The following POLD1 variants were observed in gnomAD, a reference collection of about 807,000 sequenced individuals.
POLD1 encodes DNA polymerase delta 1, catalytic subunit, also known as DNA polymerase delta catalytic subunit.
In POLD1, 79 loss-of-function variants were observed where a neutral mutation model predicts 129.7. The observed-to-expected ratio is 0.61, with a 90% CI of 0.51 to 0.73. The LOEUF is 0.73. Ranked by LOEUF, POLD1 falls within the 30% of genes least tolerant of loss-of-function variation. The pLI, the probability that POLD1 is intolerant of heterozygous loss-of-function variation, is 0.00. For missense variants in POLD1, 1,338 were observed against 1,595.8 expected (o/e 0.84, Z 2.75); for synonymous variants, 714 against 683.3 (o/e 1.04, Z -0.70).
chr19:50,401,868 C>G lies in POLD1; in HGVS notation c.407C>G (p.Ser136Cys). Residue 136 changes from serine to cysteine, a missense_variant, in exon 4 of 27, where the codon TCT becomes TGT. Transcript: ENST00000440232. ...TTCGGGGTCACCGATGAGGGGTTCT[C>G]TGTCTGCTGCCACATCCACGGCTTC... ...RAFGVTDEGF[S>C]VCCHIHGFAP... 1 of 1,614,058 alleles carries G rather than the reference C, an allele frequency of 6.2e-7. No individual in the cohort carries two copies. Among genetic ancestry groups the G allele is most frequent in the South Asian group, 1.1e-5 (1 of 91,086 alleles).
Position 50,407,313 on chromosome 19 carries a change from T to C in POLD1, c.1687-14T>C, listed in dbSNP as rs771659800. Reference sequence around the variant, plus strand: ...ACCTATACCCACTCCATTTCCCACCTTCTCCCCTCCCAGGCCATGCACGAG... The same window carrying C: ...ACCTATACCCACTCCATTTCCCACCCTCTCCCCTCCCAGGCCATGCACGAG... On this transcript the variant is annotated splice_polypyrimidine_tract_variant and intron_variant, in intron 13 of 26. Coordinates refer to ENST00000440232, the MANE Select transcript of POLD1 (RefSeq NM_002691.4). The C allele has an allele frequency of 6.2e-7, 1 of 1,606,416 alleles. No homozygotes were observed. Among genetic ancestry groups the C allele is most frequent in the South Asian group, 1.1e-5 (1 of 90,532 alleles).
intron 17 of POLD1, chr19:50,410,873 G>A (rs2039065000): frequency 6.6e-6 from 1 of 151,974 alleles, no homozygotes; most frequent in South Asian, 2.1e-4. Flanking sequence ...AGGTCAAACT[G>A]ATACTGCATG....
chr19:50,392,744 TG>T (rs1240702492), intron 1 of POLD1, among the ~76,000 whole-genome samples: 1 of 152,262 alleles, frequency 6.6e-6, no homozygotes, highest in African/African-American at 2.4e-5. Flanking sequence ...CCCAAAATGC[TG>T]GGATTACAGG....
chr19:50,384,556 C>G (rs1236268415), intron 1 of POLD1, among the ~76,000 whole-genome samples, 166 bp downstream of exon 1: 1 of 137,192 alleles, frequency 7.3e-6, no homozygotes, highest in African/African-American at 2.8e-5. Flanking sequence ...GGCGCGGGGA[C>G]GAGCAGGAAA....
intron 1 of POLD1, among the ~76,000 whole-genome samples, chr19:50,397,066 G>A (rs571600382): frequency 7.2e-6 from 1 of 138,700 alleles, no homozygotes; most frequent in African/African-American, 2.7e-5. Flanking sequence ...ACTCCAGCCT[G>A]GGTGACAGAG....
Position 50,403,228 on chromosome 19 carries a change from C to A in POLD1, c.1137+9C>A. ...AGGAGGACCTGCTGCAGGTAGCTCT[C>A]GCTCCACGCCCCACACCATTTCCCG... On this transcript the variant is annotated intron_variant, in intron 9 of 26. Transcript: ENST00000440232. The A allele has an allele frequency of 6.5e-7, 1 of 1,540,208 alleles. No individual in the cohort carries two copies. Among genetic ancestry groups the A allele is most frequent in the Non-Finnish European group, 8.8e-7 (1 of 1,139,662 alleles).
Position 50,415,815 on chromosome 19 carries a change from A to T in POLD1, c.2809A>T (p.Met937Leu), listed in dbSNP as rs1060501839. 2 of 1,529,454 alleles carry T rather than the reference A, an allele frequency of 1.3e-6. No individual in the cohort carries two copies. Among genetic ancestry groups the T allele is most frequent in the Non-Finnish European group, 1.8e-6 (2 of 1,137,530 alleles). 94.7% of individuals were successfully genotyped at this position (1,529,454 alleles called of 1,614,324 possible). A position where few individuals can be genotyped will look rare whatever the true frequency, so the allele number is the denominator to read the frequency against. Residue 937 changes from methionine to leucine, a missense_variant, in exon 22 of 27, where the codon ATG becomes TTG. Physicochemically the swap from Met to Leu is conservative, Grantham distance 15. Coordinates refer to ENST00000440232, the MANE Select transcript of POLD1 (RefSeq NM_002691.4). Reference sequence around the variant, plus strand: ...TGCCGCCAAGGGTGTGGCCGCCTACATGAAGTCGGAGGTCAGGCCCACCTG... The same window carrying T: ...TGCCGCCAAGGGTGTGGCCGCCTACTTGAAGTCGGAGGTCAGGCCCACCTG... ...ISAAKGVAAY[M>L]KSEDPLFVLE...
intron 10 of POLD1, among the ~76,000 whole-genome samples, chr19:50,405,666 A>C (rs2038849125): frequency 6.6e-6 from 1 of 151,246 alleles, no homozygotes; most frequent in African/African-American, 2.4e-5. Flanking sequence ...GGGCCATGGT[A>C]CTCCTCCTCC....
chr19:50,415,370 G>T, intron 20 of POLD1, 68 bp from the exon 21 acceptor site: 2 of 1,501,690 alleles, frequency 1.3e-6, no homozygotes, highest in South Asian at 1.2e-5. Context: ...CCAGCCCTGA[G>T]ACCCGTGGAG....
At chr19:50,405,807 A>G (rs2038854362) in intron 10 of POLD1, among the ~76,000 whole-genome samples, 1 of 152,030 alleles carries the variant, frequency 6.6e-6, no homozygotes, top group Admixed American at 6.5e-5. Flanking sequence ...CGCCCTCAGC[A>G]TCCATCTCAG....
chr19:50,417,140 G>T, intron 25 of POLD1, 32 bp from the exon 26 acceptor site: 1 of 1,574,452 alleles, frequency 6.4e-7, no homozygotes. Flanking sequence ...TGGGGAGGCG[G>T]GGGCGCCCTG....
At chr19:50,398,267 T>C (rs1394252525) in intron 1 of POLD1, among the ~76,000 whole-genome samples, 3 of 152,030 alleles carry the variant, frequency 2.0e-5, no homozygotes, top group Admixed American at 6.6e-5. Flanking sequence ...CAGAGGTTTA[T>C]GGAAAATAAA....
intron 17 of POLD1, among the ~76,000 whole-genome samples, chr19:50,411,606 C>T (rs544760051): frequency 3.3e-5 from 5 of 152,224 alleles, no homozygotes; most frequent in East Asian, 1.9e-4. Context: ...TTTAGGAGGC[C>T]GAGGCGGGCG....
rs1555791351 is a variant in POLD1, at chr19:50,407,017, T to C, written c.1529T>C (p.Val510Ala). ...GACCAGACCCGCCGCCGCCTGGCTG[T>C]GTACTGCCTGAAGGATGCCTACCTG... ...GNDQTRRRLA[V>A]YCLKDAYLPL... is the part of the protein sequence containing the mutation. Residue 510 changes from valine (V) to alanine (A), a missense_variant, in exon 13 of 27, where the codon GTG becomes GCG. Physicochemically the swap from Val to Ala is moderately conservative, Grantham distance 64. This residue lies in a region of POLD1 where 720 missense variants were observed against 1,002.6 expected (regional missense o/e 0.72). Coordinates refer to ENST00000440232, the MANE Select transcript of POLD1 (RefSeq NM_002691.4). 1.2e-6 allele frequency: 2 copies of C among 1,610,576 alleles called. No individual in the cohort carries two copies. The highest frequency in any genetic ancestry group is 1.7e-6 in the Non-Finnish European group (2 of 1,178,466).
intron 18 of POLD1, 33 bp from the exon 19 acceptor site, chr19:50,413,709 C>G: frequency 1.9e-6 from 3 of 1,569,542 alleles, no homozygotes; most frequent in Non-Finnish European, 2.6e-6. Flanking sequence ...AGGGACCCTG[C>G]TTCTCACATA....
chr19:50,398,644 G>A (rs746665762), intron 1 of POLD1, among the ~76,000 whole-genome samples: 41 of 150,968 alleles, frequency 2.7e-4, no homozygotes, highest in Middle Eastern at 3.4e-3. Context: ...TCGGGGAGTC[G>A]ACGGGGCTGC....
At position 50,409,288 on chromosome 19, in the gene POLD1, C is replaced by A; in HGVS notation, c.2006+53C>A. On this transcript the variant is annotated intron_variant, in intron 16 of 26. Coordinates refer to ENST00000440232, the MANE Select transcript of POLD1 (RefSeq NM_002691.4). The surrounding 1 kb of genome is among the most constrained non-coding windows in gnomAD (Gnocchi z 5.8). ...GCTCAGACCTGTTGGGGCCTCTGGG[C>A]AATCCCTGTCCCTCACTGGGACACC... 5.9e-6 allele frequency: 8 copies of A among 1,361,950 alleles called. No homozygotes were observed. Among genetic ancestry groups the A allele is most frequent in the Non-Finnish European group, 8.4e-6 (8 of 956,162 alleles). 84.4% of individuals were successfully genotyped at this position (1,361,950 alleles called of 1,614,324 possible). A position where few individuals can be genotyped will look rare whatever the true frequency, so the allele number is the denominator to read the frequency against.
In POLD1 at chr19:50,409,655, G is replaced by A. The variant is rs369988982; in HGVS notation, c.2143G>A (p.Glu715Lys). 3.7e-6 allele frequency: 6 copies of A among 1,605,302 alleles called. No homozygotes were observed. The highest frequency in any genetic ancestry group is 1.3e-5 in the African/African-American group (1 of 74,908). ...GAQVGKLPCL[E>K]ISQSVTGFGR... ...CCAGGTGGGCAAGTTGCCGTGCCTGGAGATCTCACAGGTGGGCACTCGGGC... is the reference window on the plus strand; with the variant it reads ...CCAGGTGGGCAAGTTGCCGTGCCTGAAGATCTCACAGGTGGGCACTCGGGC... The change falls in exon 17 of 27, where the codon GAG becomes AAG. Residue 715 changes from glutamate (E) to lysine (K), a missense_variant. Glu to Lys is a moderately conservative substitution (Grantham distance 56). Transcript: ENST00000440232. The surrounding 1 kb of genome is among the most constrained non-coding windows in gnomAD (Gnocchi z 5.8).
chr19:50,415,412 A>AGGAGAG, intron 20 of POLD1, 26 bp from the exon 21 acceptor site: 1 of 1,597,800 alleles, frequency 6.3e-7, no homozygotes, highest in Non-Finnish European at 8.6e-7. Context: ...CCTTTTGGTG[A>AGGAGAG]CGCTGTGCGG....
Sources: allele counts gnomAD v4.1 joint callset (sites outside exome capture counted in the v4.1 genomes callset), GRCh38; gene constraint gnomAD v4.1.1; regional missense constraint gnomAD v4.1.1; non-coding constraint Gnocchi (gnomAD v3.1); transcripts MANE v1.5; gene names NCBI Gene and HGNC (gene_info 2026-07-23, HGNC 2026-07-21).